SHE: variants seen among roughly 807,000 people sequenced by gnomAD.
SHE encodes SH2 domain-containing adapter protein E.
In SHE, 11 loss-of-function variants were observed where a neutral mutation model predicts 49.8. That is an observed-to-expected ratio of 0.22 (90% CI 0.14 to 0.37). The LOEUF is 0.37. Ranked by LOEUF, SHE falls within the 10% of genes least tolerant of loss-of-function variation. The probability of loss-of-function intolerance (pLI) is 1.00; values close to 1 mark genes in which losing one functional copy is unlikely to be tolerated. For synonymous variants in SHE, 310 were observed against 278.1 expected (o/e 1.11, Z -1.14); for missense variants, 624 against 655.5 (o/e 0.95, Z 0.52).
chr1:154,482,933 A>T lies in SHE; in HGVS notation c.*1216T>A. The T allele has an allele frequency of 2.0e-6, 2 of 985,028 alleles. No homozygotes were observed. Among genetic ancestry groups the T allele is most frequent in the Non-Finnish European group, 2.4e-6 (2 of 829,570 alleles). The allele number at this position is 985,028 out of a possible 1,614,324, so 61.0% of individuals were successfully genotyped here. A position where few individuals can be genotyped will look rare whatever the true frequency, so the allele number is the denominator to read the frequency against. On this transcript the variant is annotated 3_prime_UTR_variant, in exon 6 of 6. Coordinates refer to ENST00000304760, the MANE Select transcript of SHE (RefSeq NM_001010846.3). ...AAAAAATTTACTACAAAGCAAATCT[A>T]ATTTTAGAGACAAAAATTAAAAATT...
At chr1:154,475,168 A>T (rs1175393325), downstream of SHE, among the ~76,000 whole-genome samples, 4 of 152,026 alleles carry the variant, frequency 2.6e-5, no homozygotes, top group East Asian at 5.8e-4. Context: ...GATGTCTACT[A>T]TGTTGAGCAC....
At chr1:154,495,734 T>TA (rs11341057) in intron 2 of SHE, among the ~76,000 whole-genome samples, 19 of 149,760 alleles carry the variant, frequency 1.3e-4, no homozygotes, top group African/African-American at 2.2e-4. Flanking sequence ...TAGTACATAA[T>TA]AAAAAAAAAA....
Position 154,499,167 on chromosome 1 carries a change from T to C in SHE, c.663A>G (p.Arg221=), listed in dbSNP as rs1390985465. 6.2e-7 allele frequency: 1 copy of C among 1,614,214 alleles called. No homozygotes were observed. Reference sequence around the variant, plus strand: ...CCATGTAACCGTCGTTCTCTCCGACTCTCTCTGCATCCCTTTGACCCTTTG... The same window carrying C: ...CCATGTAACCGTCGTTCTCTCCGACCCTCTCTGCATCCCTTTGACCCTTTG... ...KRTKGQRDAE[R]VGENDGYMEP... The change falls in exon 2 of 6, where the codon AGA becomes AGG. Residue 221 remains arginine (R), a synonymous_variant. Coordinates refer to ENST00000304760, the MANE Select transcript of SHE (RefSeq NM_001010846.3).
intron 3 of SHE, 101 bp from the exon 4 acceptor site, chr1:154,486,784 C>T: frequency 7.4e-7 from 1 of 1,352,378 alleles, no homozygotes; most frequent in Non-Finnish European, 1.0e-6. Flanking sequence ...AGGAAAGAAG[C>T]ATTTTCCCCC....
chr1:154,499,261 A>C, intron 1 of SHE, 23 bp from the exon 2 acceptor site: 1 of 1,607,788 alleles, frequency 6.2e-7, no homozygotes, highest in Non-Finnish European at 8.5e-7. Context: ...AAGAGAGGAC[A>C]GTTGCTAAGG....
Position 154,486,635 on chromosome 1 carries a change from C to T in SHE, c.1073G>A (p.Arg358Lys). 1 of 1,614,152 alleles carries T rather than the reference C, an allele frequency of 6.2e-7. No homozygotes were observed. Among genetic ancestry groups the T allele is most frequent in the African/African-American group, 1.3e-5 (1 of 75,030 alleles). ...CCAGCTCTTCTGCCGGTGGTGCTGC[C>T]TCACTGTCTCCTCCCTGAAGGAAGG... ...ERPSFREETV[R>K]QHHRQKSWTQ... Residue 358 changes from arginine (R) to lysine (K), a missense_variant, in exon 4 of 6, where the codon AGG becomes AAG. By Grantham distance (26) the Arg-to-Lys change is conservative. Around this residue, in one of 4 missense-constraint regions of SHE, gnomAD observed 125 missense variants for 181.7 expected, o/e 0.69. Coordinates refer to ENST00000304760, the MANE Select transcript of SHE (RefSeq NM_001010846.3).
chr1:154,475,389 G>A (rs541404921), downstream of SHE, among the ~76,000 whole-genome samples: 7 of 152,274 alleles, frequency 4.6e-5, no homozygotes, highest in Admixed American at 1.3e-4. Context: ...GTTTCCCCAT[G>A]TCGGCCAGGC....
chr1:154,485,685 T>A, intron 5 of SHE: 1 of 381,348 alleles, frequency 2.6e-6, no homozygotes, highest in East Asian at 4.1e-5. Context: ...TTAGGTAATG[T>A]AAGGTAGACA....
Position 154,489,248 on chromosome 1 carries a change from C to T in SHE, c.827G>A (p.Arg276Lys), listed in dbSNP as rs1306020895. The change falls in exon 3 of 6, where the codon AGA becomes AAA. Residue 276 changes from arginine to lysine, a missense_variant. By Grantham distance (26) the Arg-to-Lys change is conservative. This residue lies in a region of SHE where 155 missense variants were observed against 142.0 expected (regional missense o/e 1.09). Coordinates refer to ENST00000304760, the MANE Select transcript of SHE (RefSeq NM_001010846.3). ...GGLKSETLAK[R>K]RSSKDLLGKP... ...CCCCAGGAGGTCCTTGGAACTCCGT[C>T]TTTTGGCCAAGGTCTCTGATTTCAG... The T allele has an allele frequency of 6.2e-7, 1 of 1,614,094 alleles. No homozygotes were observed. The highest frequency in any genetic ancestry group is 1.3e-5 in the African/African-American group (1 of 74,930).
In SHE at chr1:154,481,762, T is replaced by G. The variant is rs1357857095; in HGVS notation, c.*2387A>C. ...TTGAATGGATGCTGAAAAAACCTTT[T>G]AAAATCTTACACTAAAGATATAGTA... On this transcript the variant is annotated 3_prime_UTR_variant, in exon 6 of 6. Transcript: ENST00000304760. 67 of 964,364 alleles carry G rather than the reference T, an allele frequency of 6.9e-5. No individual in the cohort carries two copies. Among genetic ancestry groups the G allele is most frequent in the Non-Finnish European group, 7.8e-5 (63 of 810,940 alleles). 59.7% of individuals were successfully genotyped at this position (964,364 alleles called of 1,614,324 possible).
intron 2 of SHE, among the ~76,000 whole-genome samples, chr1:154,492,849 G>A (rs769210404): frequency 5.9e-5 from 9 of 152,134 alleles, no homozygotes; most frequent in Non-Finnish European, 1.0e-4. Flanking sequence ...GGTCCTTGCT[G>A]CAATTCTGCC....
downstream of SHE, among the ~76,000 whole-genome samples, chr1:154,478,186 C>T (rs1691930115): frequency 6.6e-6 from 1 of 152,118 alleles, no homozygotes; most frequent in South Asian, 2.1e-4. Flanking sequence ...ACACCCTGCC[C>T]AGTGGCTTCC....
intron 1 of SHE, among the ~76,000 whole-genome samples, chr1:154,473,181 G>C (rs991649090): frequency 6.6e-6 from 1 of 151,650 alleles, no homozygotes; most frequent in African/African-American, 2.4e-5. Flanking sequence ...TGTATTTTTA[G>C]TAGAGACGGG....
In SHE at chr1:154,484,236, C is replaced by A; in HGVS notation, c.1401G>T (p.Val467=). 1 of 1,614,124 alleles carries A rather than the reference C, an allele frequency of 6.2e-7. No homozygotes were observed. The highest frequency in any genetic ancestry group is 1.1e-5 in the South Asian group (1 of 91,074). The change falls in exon 6 of 6, where the codon GTG becomes GTT. Residue 467 remains valine (V), a synonymous_variant. Transcript: ENST00000304760. ...ACTTTTCATTGGAATAATAGTGTAC[C>A]ACTTCAGGGATGCTGTCAAACACAG... ...TSAVFDSIPE[V]VHYYSNEKLP...
chr1:154,484,322 A>T lies in SHE; in HGVS notation c.1315T>A (p.Cys439Ser). 1.2e-6 allele frequency: 2 copies of T among 1,610,810 alleles called. No homozygotes were observed. ...YSIALKTSQG[C>S]VHIIVAQTKD... ...GTCTGAGCCACTATGATGTGGACACATCCTTGACTAGTCCTGGAATGAAAA... is the reference window on the plus strand; with the variant it reads ...GTCTGAGCCACTATGATGTGGACACTTCCTTGACTAGTCCTGGAATGAAAA... The change falls in exon 6 of 6, where the codon TGT (cysteine) becomes AGT (serine). Residue 439 changes from cysteine to serine, a missense_variant. Coordinates refer to ENST00000304760, the MANE Select transcript of SHE (RefSeq NM_001010846.3).
At chr1:154,497,702 CAG>C (rs1340027060) in intron 2 of SHE, among the ~76,000 whole-genome samples, 1 of 151,380 alleles carries the variant, frequency 6.6e-6, no homozygotes, top group African/African-American at 2.4e-5. Flanking sequence ...TTTTTTGAGA[CAG>C]AGTTTCCCTC....
intron 1 of SHE, among the ~76,000 whole-genome samples, chr1:154,470,954 G>A (rs1691727439): frequency 6.6e-6 from 1 of 151,744 alleles, no homozygotes; most frequent in Admixed American, 6.6e-5. Context: ...AGGTTTCAGT[G>A]AGCTGAGATC....
rs1189094326 is a variant in SHE at position 154,488,155 on chromosome 1, A to C, written c.1024+896T>G. Among the ~76,000 whole-genome samples, 3 of 151,314 alleles carry C rather than the reference A, an allele frequency of 2.0e-5. 1 individual carries two copies. The highest frequency in any genetic ancestry group is 7.3e-5 in the African/African-American group (3 of 41,144). On this transcript the variant is annotated intron_variant, in intron 3 of 5. Transcript: ENST00000304760. ...ACGGCGTTTCACCATGTTGGCCAGG[A>C]TGGTCTCCAGCTCTTGACCTCATGA... is the stretch of plus-strand genomic sequence containing the variant.
chr1:154,492,170 TA>T (rs1219377385), intron 2 of SHE, among the ~76,000 whole-genome samples: 2 of 152,172 alleles, frequency 1.3e-5, no homozygotes, highest in African/African-American at 4.8e-5. Context: ...CTCTGCTGAC[TA>T]GGGGCTGTCA....
Sources: gnomAD v4.1 joint callset for allele counts (sites outside exome capture counted in the v4.1 genomes callset) on GRCh38, gnomAD v4.1.1 for gene constraint, gnomAD v4.1.1 regional missense constraint, MANE v1.5 for transcripts, NCBI Gene and HGNC (gene_info 2026-07-23, HGNC 2026-07-21) for gene names.